Variants in BMP8A observed in about 807,000 individuals in gnomAD.
BMP8A encodes BMP-8A.
BMP8A carries 14 observed loss-of-function variants against 36.8 expected under a neutral mutation model. That is an observed-to-expected ratio of 0.38 (90% CI 0.25 to 0.60). BMP8A has a LOEUF of 0.60. Among genes scored for constraint, BMP8A ranks in the 20% least tolerant of loss-of-function variants. The pLI is 0.63. For synonymous variants in BMP8A, 120 were observed against 237.7 expected, an observed-to-expected ratio of 0.50 and a Z score of 4.55; for missense variants, 267 against 551.1, an observed-to-expected ratio of 0.48 and a Z score of 5.16.
intron 1 of BMP8A, among the ~76,000 whole-genome samples, chr1:39,498,602 C>T (rs55679071): frequency 1.1e-4 from 17 of 152,320 alleles, no homozygotes; most frequent in Admixed American, 9.8e-4. Flanking sequence ...GGGCCCGCCT[C>T]GAGGCGGTGC....
In BMP8A at chr1:39,523,002, C is replaced by G. The variant is rs778035390; in HGVS notation, c.949-5C>G. The G allele has an allele frequency of 6.2e-7, 1 of 1,603,748 alleles. No homozygotes were observed. The highest frequency in any genetic ancestry group is 8.5e-7 in the Non-Finnish European group (1 of 1,174,436). On this transcript the variant is annotated splice_region_variant and splice_polypyrimidine_tract_variant and intron_variant, in intron 5 of 6. Coordinates refer to ENST00000331593, the MANE Select transcript of BMP8A (RefSeq NM_181809.4). Reference sequence around the variant, plus strand: ...ATGGGACTCACCTTCTCCCTTGCCCCCCAGGACTGGGTCATCGCCCCCCAA... The same window carrying G: ...ATGGGACTCACCTTCTCCCTTGCCCGCCAGGACTGGGTCATCGCCCCCCAA...
In BMP8A at chr1:39,524,992, A is replaced by G. The variant is rs1182564090; in HGVS notation, c.1060-657A>G. ...ATGATGTCAGGGCGGGAGGAATTCT[A>G]TGTTCCACTGAGGCCTCATTAGACC... On this transcript the variant is annotated intron_variant, in intron 6 of 6. Transcript: ENST00000331593. The surrounding 1 kb of genome is among the most constrained non-coding windows in gnomAD (Gnocchi z 4.0). The G allele has an allele frequency of 1.3e-5, 2 of 152,546 alleles. No individual in the cohort carries two copies. The highest frequency in any genetic ancestry group is 6.5e-5 in the Admixed American group (1 of 15,284). 9.4% of individuals were successfully genotyped at this position (152,546 alleles called of 1,614,324 possible).
intron 3 of BMP8A, chr1:39,514,960 C>T: frequency 4.0e-6 from 6 of 1,514,634 alleles, no homozygotes; most frequent in South Asian, 1.3e-5. Context: ...CCGACTATGG[C>T]GGCGCTGCGG....
rs529653349 is a variant in BMP8A at position 39,506,052 on chromosome 1, G to A, written c.335-5122G>A. Among the ~76,000 whole-genome samples the A allele has an allele frequency of 6.6e-5, 10 of 151,366 alleles. No individual in the cohort carries two copies. In the East Asian group the frequency reaches 1.5e-3, roughly 23 times the overall value. On this transcript the variant is annotated intron_variant, in intron 1 of 6. Coordinates refer to ENST00000331593, the MANE Select transcript of BMP8A (RefSeq NM_181809.4). Reference sequence around the variant, plus strand: ...GGAAAGACTGAGGAACAGTCAGATCGGAGGGGCCCCGGGGAAATGACACTA... The same window carrying A: ...GGAAAGACTGAGGAACAGTCAGATCAGAGGGGCCCCGGGGAAATGACACTA...
intron 1 of BMP8A, among the ~76,000 whole-genome samples, chr1:39,497,834 G>A (rs1014777837): frequency 5.9e-5 from 9 of 152,330 alleles, no homozygotes; most frequent in African/African-American, 2.2e-4. Flanking sequence ...GCCTGGTCAG[G>A]TGGGACAGAG....
intron 1 of BMP8A, among the ~76,000 whole-genome samples, chr1:39,502,160 C>T (rs1156895010): frequency 6.6e-6 from 1 of 151,214 alleles, no homozygotes; most frequent in African/African-American, 2.4e-5. Flanking sequence ...ATCGCTTGAA[C>T]CCAGGCAGCA....
intron 1 of BMP8A, among the ~76,000 whole-genome samples, chr1:39,500,099 C>T (rs138872004): frequency 1.3e-3 from 194 of 152,294 alleles, no homozygotes; most frequent in African/African-American, 4.4e-3. Flanking sequence ...AGCCCCCTGA[C>T]CACTAGATTC....
chr1:39,499,947 T>C (rs1645239622), intron 1 of BMP8A, among the ~76,000 whole-genome samples: 1 of 152,196 alleles, frequency 6.6e-6, no homozygotes, highest in Non-Finnish European at 1.5e-5. Flanking sequence ...ACAATATTGG[T>C]TGGCAGCAAT....
intron 1 of BMP8A, among the ~76,000 whole-genome samples, chr1:39,508,438 C>T (rs1186862184): frequency 6.6e-6 from 1 of 152,218 alleles, no homozygotes; most frequent in Non-Finnish European, 1.5e-5. Flanking sequence ...CGGCCCCTGC[C>T]CTTTCACAGC....
rs981172311 is a variant in BMP8A at position 39,527,077 on chromosome 1, G to A, written c.*1279G>A. Among the ~76,000 whole-genome samples the A allele has an allele frequency of 6.6e-6, 1 of 152,214 alleles. No individual in the cohort carries two copies. The highest frequency in any genetic ancestry group is 1.5e-5 in the Non-Finnish European group (1 of 68,040). On this transcript the variant is annotated 3_prime_UTR_variant, in exon 7 of 7. Transcript: ENST00000331593. ...GTCTCCGGCCAGGCATGGGGCAAGG[G>A]TGGGGACTGCCAGTGTTTGCTTGTG... is the stretch of plus-strand genomic sequence containing the variant.
chr1:39,503,508 CTTTTTTTT>C (rs35892449), intron 1 of BMP8A, among the ~76,000 whole-genome samples: 1 of 69,960 alleles, frequency 1.4e-5, no homozygotes, highest in African/African-American at 5.6e-5. Context: ...TACAGTCTTT[CTTTTTTTT>C]TTTTTTTTTT....
intron 3 of BMP8A, chr1:39,514,913 C>G: frequency 6.9e-7 from 1 of 1,439,646 alleles, no homozygotes; most frequent in Non-Finnish European, 9.1e-7. Context: ...GAGGCGCACG[C>G]AGGGCTCACA....
chr1:39,506,601 C>T (rs1645303962), intron 1 of BMP8A, among the ~76,000 whole-genome samples: 4 of 152,190 alleles, frequency 2.6e-5, no homozygotes, highest in Admixed American at 2.6e-4. Flanking sequence ...AGTCTCTGCA[C>T]TGTTCATGCC....
chr1:39,496,557 G>A (rs962821204), intron 1 of BMP8A, among the ~76,000 whole-genome samples: 3 of 152,194 alleles, frequency 2.0e-5, no homozygotes, highest in East Asian at 1.9e-4. Flanking sequence ...TTCTGGGCTT[G>A]TGTGAGATGA....
In BMP8A at chr1:39,525,829, C is replaced by A. The variant is rs752613535; in HGVS notation, c.*31C>A. ...CCCGCCCAGCCCTACTGCAGCCACC[C>A]TTCTCATCTGGATCGGGCCCTGCAG... On this transcript the variant is annotated 3_prime_UTR_variant, in exon 7 of 7. Coordinates refer to ENST00000331593, the MANE Select transcript of BMP8A (RefSeq NM_181809.4). 7 of 1,612,754 alleles carry A rather than the reference C, an allele frequency of 4.3e-6. No homozygotes were observed. Among genetic ancestry groups the A allele is most frequent in the Non-Finnish European group, 5.9e-6 (7 of 1,179,952 alleles).
In BMP8A at chr1:39,523,073, G is replaced by A. The variant is rs1645445238; in HGVS notation, c.1015G>A (p.Asp339Asn). Residue 339 changes from aspartate to asparagine, a missense_variant, in exon 6 of 7, where the codon GAC (aspartate) becomes AAC (asparagine). Physicochemically the swap from Asp to Asn is conservative, Grantham distance 23 (BLOSUM62 1). Around this residue, in one of 7 missense-constraint regions of BMP8A, gnomAD observed 132 missense variants for 151.3 expected, o/e 0.87. Coordinates refer to ENST00000331593, the MANE Select transcript of BMP8A (RefSeq NM_181809.4). ...TGAGGGGGAGTGCTCCTTCCCGCTGGACTCCTGCATGAACGCCACCAACCA... is the reference window on the plus strand; with the variant it reads ...TGAGGGGGAGTGCTCCTTCCCGCTGAACTCCTGCATGAACGCCACCAACCA... ...YCEGECSFPLDSCMNATNHAI... is the reference protein window; with the variant it reads ...YCEGECSFPLNSCMNATNHAI... 2.5e-6 allele frequency: 4 copies of A among 1,613,854 alleles called. No individual in the cohort carries two copies. In the South Asian group the frequency reaches 4.4e-5, roughly 18 times the overall value.
intron 1 of BMP8A, among the ~76,000 whole-genome samples, chr1:39,496,948 A>ATT (rs1645210424): frequency 6.6e-6 from 1 of 152,222 alleles, no homozygotes; most frequent in African/African-American, 2.4e-5. Flanking sequence ...AGGGAGCCCC[A>ATT]TTCCTACCAG....
chr1:39,492,253 G>C lies in BMP8A; in HGVS notation c.262G>C (p.Asp88His). 1 of 1,560,034 alleles carries C rather than the reference G, an allele frequency of 6.4e-7. No individual in the cohort carries two copies. Among genetic ancestry groups the C allele is most frequent in the Non-Finnish European group, 8.6e-7 (1 of 1,164,152 alleles). Reference protein sequence around the residue: ...LDLYHAMAGDDDEDGAPAEQR... With the variant: ...LDLYHAMAGDHDEDGAPAEQR... ...CCTGTACCACGCCATGGCTGGCGAC[G>C]ACGACGAGGACGGCGCGCCCGCGGA... The change falls in exon 1 of 7, where the codon GAC becomes CAC. Residue 88 changes from aspartate (D) to histidine (H), a missense_variant. Transcript: ENST00000331593.
rs1269548497 is a variant in BMP8A, at chr1:39,528,038, G to A, written c.*2240G>A. On this transcript the variant is annotated 3_prime_UTR_variant, in exon 7 of 7. Coordinates refer to ENST00000331593, the MANE Select transcript of BMP8A (RefSeq NM_181809.4). The stretch of plus-strand genomic sequence containing the variant: ...AGTAGAGTTTCGGAAACTGACAAAT[G>A]TGTGGTCTCTTCAGTGCCCAGTGTG... Among the ~76,000 whole-genome samples the A allele has an allele frequency of 6.6e-6, 1 of 152,232 alleles. No individual in the cohort carries two copies. Among genetic ancestry groups the A allele is most frequent in the Non-Finnish European group, 1.5e-5 (1 of 68,048 alleles).
Sources: gnomAD v4.1 joint callset for allele counts (sites outside exome capture counted in the v4.1 genomes callset) on GRCh38, gnomAD v4.1.1 for gene constraint, gnomAD v4.1.1 regional missense constraint, Gnocchi (gnomAD v3.1) non-coding constraint, MANE v1.5 for transcripts, NCBI Gene and HGNC (gene_info 2026-07-23, HGNC 2026-07-21) for gene names.